The following NUP210L variants were observed in gnomAD, a reference collection of about 807,000 sequenced individuals.
NUP210L encodes the protein nucleoporin 210 like.
A neutral mutation model predicts 208.5 loss-of-function variants in NUP210L; 74 were observed. The observed-to-expected ratio is 0.35, with a 90% CI of 0.29 to 0.43. The LOEUF is 0.43. Among genes scored for constraint, NUP210L ranks in the 20% least tolerant of loss-of-function variants. The pLI is 1.00. For synonymous variants in NUP210L, 780 were observed against 816.9 expected (o/e 0.95, Z 0.77); for missense variants, 1,843 against 2,289.4 (o/e 0.81, Z 3.98).
At chr1:154,117,562 G>A (rs1423586639) in intron 12 of NUP210L, among the ~76,000 whole-genome samples, 163 bp downstream of exon 12, 7 of 152,072 alleles carry the variant, frequency 4.6e-5, no homozygotes, top group Non-Finnish European at 8.8e-5. Flanking sequence ...TGCAGCCTGG[G>A]AAACAGAGCA....
intron 35 of NUP210L, 130 bp downstream of exon 35, chr1:154,009,842 T>A: frequency 1.4e-6 from 1 of 702,298 alleles, no homozygotes; most frequent in Non-Finnish European, 2.1e-6. Flanking sequence ...AACAAAAATG[T>A]TGCCTGACAA....
At chr1:154,024,935 T>TGG (rs1392237358) in intron 30 of NUP210L, among the ~76,000 whole-genome samples, 2 of 142,988 alleles carry the variant, frequency 1.4e-5, no homozygotes, top group Admixed American at 1.4e-4. Flanking sequence ...TTTTTTTTTT[T>TGG]TTTTTTTTTT....
intron 32 of NUP210L, among the ~76,000 whole-genome samples, chr1:154,019,802 T>C (rs1651455459): frequency 6.6e-6 from 1 of 152,024 alleles, no homozygotes; most frequent in African/African-American, 2.4e-5. Flanking sequence ...GGCGCATGCC[T>C]CTAGTTCCAG....
intron 16 of NUP210L, among the ~76,000 whole-genome samples, chr1:154,071,513 T>C (rs1157121535): frequency 6.6e-6 from 1 of 151,808 alleles, no homozygotes; most frequent in Non-Finnish European, 1.5e-5. Context: ...CATAGTTTAG[T>C]TCCTACTTAT....
intron 25 of NUP210L, among the ~76,000 whole-genome samples, chr1:154,051,217 AT>A (rs35375468): frequency 0.26 from 39,628 of 150,430 alleles, 5,600 homozygotes; most frequent in Admixed American, 0.37. Context: ...CATTTTCACA[AT>A]TTTTTTTTTG....
At position 153,995,476 on chromosome 1, in the gene NUP210L, G is replaced by T. The variant is rs1026837724; in HGVS notation, c.5387-296C>A. Among the ~76,000 whole-genome samples, 38 of 152,162 alleles carry T rather than the reference G, an allele frequency of 2.5e-4. 3 individuals carry two copies. On this transcript the variant is annotated intron_variant, in intron 37 of 39. Coordinates refer to ENST00000368559, the Ensembl canonical transcript of NUP210L. The stretch of plus-strand genomic sequence containing the variant: ...ATACTTGGCTCAACCGCGTCTTTTT[G>T]ACTTCTTCCTATCTCCAGAGTAATA...
At chr1:154,068,765 A>T (rs1441376642) in intron 17 of NUP210L, among the ~76,000 whole-genome samples, 6 of 152,006 alleles carry the variant, frequency 3.9e-5, no homozygotes. Context: ...CATAGGTGGG[A>T]ATTGAACAAT....
intron 6 of NUP210L, 25 bp downstream of exon 6, chr1:154,138,081 T>C (rs758200051): frequency 1.4e-6 from 2 of 1,457,332 alleles, no homozygotes; most frequent in South Asian, 1.5e-5. Flanking sequence ...ATGTGAGTCA[T>C]AGGAGAAAAA....
At chr1:154,112,914 T>C (rs1372803638) in intron 12 of NUP210L, among the ~76,000 whole-genome samples, 1 of 150,624 alleles carries the variant, frequency 6.6e-6, no homozygotes, top group African/African-American at 2.4e-5. Flanking sequence ...CCTAGCGCTT[T>C]GGGAGGACAA....
chr1:154,031,860 T>G (rs1237800828), intron 27 of NUP210L, among the ~76,000 whole-genome samples: 3 of 151,928 alleles, frequency 2.0e-5, no homozygotes, highest in Non-Finnish European at 4.4e-5. Context: ...TAGCAGGGAC[T>G]ACAGGCATGC....
At chr1:154,118,948 A>T in intron 10 of NUP210L, 140 bp from the exon 11 acceptor site, 1 of 447,028 alleles carries the variant, frequency 2.2e-6, no homozygotes, top group Non-Finnish European at 3.9e-6. Context: ...AAATAAATAA[A>T]TATTTCTCTT....
intron 10 of NUP210L, among the ~76,000 whole-genome samples, chr1:154,119,349 AGGACGAGGTGGGT>A (rs1007759980): frequency 6.6e-6 from 1 of 152,032 alleles, no homozygotes; most frequent in Non-Finnish European, 1.5e-5. Context: ...GCACTTTGGG[AGGACGAGGTGGGT>A]GGACCACCTG....
At chr1:154,009,802 A>G (rs897201721) in intron 35 of NUP210L, among the ~76,000 whole-genome samples, 170 bp downstream of exon 35, 5 of 151,756 alleles carry the variant, frequency 3.3e-5, no homozygotes, top group African/African-American at 9.7e-5. Flanking sequence ...CAAAAAAAAA[A>G]AAAAAAAGAA....
intron 2 of NUP210L, 97 bp from the exon 3 acceptor site, chr1:154,143,674 AG>A: frequency 9.3e-7 from 1 of 1,075,748 alleles, no homozygotes; most frequent in South Asian, 1.7e-5. Context: ...ATTATGAAAA[AG>A]AAAGACTATG....
At position 154,039,235 on chromosome 1, in the gene NUP210L, CTT is replaced by C. The variant is rs76369289; in HGVS notation, c.3696+6832_3696+6833del. Among the ~76,000 whole-genome samples, 163 of 135,118 alleles carry C rather than the reference CTT, an allele frequency of 1.2e-3. 1 individual carries two copies. Among genetic ancestry groups the C allele is most frequent in the African/African-American group, 2.9e-3 (108 of 37,068 alleles). The allele number at this position is 135,118 out of a possible 152,430, so 88.6% of individuals were successfully genotyped here. A position where few individuals can be genotyped will look rare whatever the true frequency, so the allele number is the denominator to read the frequency against. On this transcript the variant is annotated intron_variant, in intron 27 of 39. Coordinates refer to ENST00000368559, the Ensembl canonical transcript of NUP210L. ...CCTCAGCTTTTGTTTTTCTGGGAAA[CTT>C]TTTTTTTTTTTTTTTAGATGGAGTC...
chr1:154,013,108 A>G (rs1475323196), intron 33 of NUP210L, among the ~76,000 whole-genome samples: 1 of 147,588 alleles, frequency 6.8e-6, no homozygotes, highest in Non-Finnish European at 1.5e-5. Flanking sequence ...ATGTTGCCCC[A>G]GGTGGTCTAG....
chr1:154,083,131 G>A (rs945510343), intron 16 of NUP210L, among the ~76,000 whole-genome samples: 5 of 152,170 alleles, frequency 3.3e-5, no homozygotes, highest in African/African-American at 1.2e-4. Context: ...CGAGCAGGTT[G>A]CCACTGTCGG....
chr1:154,062,604 T>A (rs1009400883), intron 17 of NUP210L, among the ~76,000 whole-genome samples: 11 of 138,978 alleles, frequency 7.9e-5, no homozygotes, highest in African/African-American at 3.0e-4. Flanking sequence ...TGTGTGTGTG[T>A]GTGTGACAGG....
At chr1:154,089,627 T>C in intron 15 of NUP210L, 33 bp from the exon 16 acceptor site, 1 of 1,576,258 alleles carries the variant, frequency 6.3e-7, no homozygotes, top group Non-Finnish European at 8.7e-7. Context: ...GAGATAATTG[T>C]GGGTAGATAC....
Sources: gnomAD v4.1 joint callset for allele counts (sites outside exome capture counted in the v4.1 genomes callset) on GRCh38, gnomAD v4.1.1 for gene constraint, MANE v1.5 for transcripts, NCBI Gene and HGNC (gene_info 2026-07-23, HGNC 2026-07-21) for gene names.